The following NPAT variants were observed in gnomAD, a reference collection of about 807,000 sequenced individuals.
NPAT encodes the protein nuclear protein, coactivator of histone transcription.
NPAT carries 52 observed loss-of-function variants against 130.7 expected under a neutral mutation model. That is an observed-to-expected ratio of 0.40 (90% CI 0.32 to 0.50). The LOEUF is 0.50. NPAT is among the 20% of genes least tolerant of loss of function. The pLI is 0.68. For missense variants in NPAT, 1,687 were observed against 1,662.6 expected (o/e 1.01, Z -0.26); for synonymous variants, 580 against 584.8 (o/e 0.99, Z 0.12).
intron 1 of NPAT, among the ~76,000 whole-genome samples, chr11:108,203,024 A>G (rs1249488828): frequency 1.3e-5 from 2 of 152,158 alleles, no homozygotes; most frequent in African/African-American, 4.8e-5. Context: ...GGAGACCACA[A>G]TCTTCAGGAA....
At chr11:108,206,454 A>G (rs12272183) in intron 1 of NPAT, among the ~76,000 whole-genome samples, 92,153 of 151,962 alleles carry the variant, frequency 0.61, 28,162 homozygotes, top group Middle Eastern at 0.76. Context: ...TGGATGCAGT[A>G]GGGCGGGCAT....
intron 1 of NPAT, among the ~76,000 whole-genome samples, chr11:108,207,123 A>G (rs1409770638): frequency 6.6e-6 from 1 of 152,206 alleles, no homozygotes; most frequent in Admixed American, 6.5e-5. Context: ...ACAAGTGACC[A>G]GTTCTCGGTG....
At position 108,163,229 on chromosome 11, in the gene NPAT, G is replaced by A. The variant is rs138488882; in HGVS notation, c.3011-1049C>T. ...CGAGTAGCTGGGATTACAGGTGCAC[G>A]CTGCCACGCCTGGCTAATTTTTGTA... On this transcript the variant is annotated intron_variant, in intron 15 of 17. Transcript: ENST00000278612. Among the ~76,000 whole-genome samples the A allele has an allele frequency of 5.9e-4, 89 of 152,102 alleles. No individual in the cohort carries two copies. The East Asian group carries it at 0.015, about 25-fold the overall frequency.
rs752358692 is a variant in NPAT at position 108,172,064 on chromosome 11, C to T, written c.2785+135G>A. ...TGAATTAGCTAGCATAAAGAAGCAG[C>T]GTAATCACAAATTTCAGAATCTTTT... On this transcript the variant is annotated intron_variant, in intron 13 of 17. Transcript: ENST00000278612. 5.1e-4 allele frequency: 388 copies of T among 760,014 alleles called. 2 individuals carry two copies. The highest frequency in any genetic ancestry group is 1.9e-3 in the Middle Eastern group (6 of 3,096). The allele number at this position is 760,014 out of a possible 1,614,324, so 47.1% of individuals were successfully genotyped here.
chr11:108,186,629 A>G (rs1270316111), intron 7 of NPAT, 60 bp from the exon 8 acceptor site: 7 of 1,313,016 alleles, frequency 5.3e-6, no homozygotes, highest in Admixed American at 1.7e-5. Context: ...TTAAAGATAA[A>G]TACATATACA....
intron 1 of NPAT, among the ~76,000 whole-genome samples, chr11:108,201,466 T>C (rs576452627): frequency 1.3e-5 from 2 of 152,276 alleles, no homozygotes; most frequent in African/African-American, 4.8e-5. Flanking sequence ...AGTCTTCCCA[T>C]AGGGAAGACA....
In NPAT at chr11:108,162,029, A is replaced by C. The variant is rs2077857009; in HGVS notation, c.3072-15T>G. The C allele has an allele frequency of 6.2e-7, 1 of 1,611,238 alleles. No individual in the cohort carries two copies. Among genetic ancestry groups the C allele is most frequent in the African/African-American group, 1.3e-5 (1 of 74,716 alleles). On this transcript the variant is annotated splice_polypyrimidine_tract_variant and intron_variant, in intron 16 of 17. Transcript: ENST00000278612. ...AAACTTCAGTTCTAAAACAAAACAA[A>C]ACAAAACTATTTCTAGCAGCATAAA... is the stretch of plus-strand genomic sequence containing the variant.
intron 6 of NPAT, 64 bp from the exon 7 acceptor site, chr11:108,188,243 G>C: frequency 1.7e-6 from 2 of 1,180,896 alleles, no homozygotes; most frequent in East Asian, 2.3e-5. Context: ...ACTTGTAATG[G>C]GATAAAAAGC....
At chr11:108,185,139 T>A (rs1030740673) in intron 10 of NPAT, 93 bp downstream of exon 10, 7 of 822,384 alleles carry the variant, frequency 8.5e-6, no homozygotes, top group Non-Finnish European at 1.5e-5. Flanking sequence ...TAACATCTTA[T>A]GTTGGCAATG....
intron 10 of NPAT, among the ~76,000 whole-genome samples, chr11:108,184,821 C>T (rs1196271307): frequency 1.3e-5 from 2 of 152,170 alleles, no homozygotes; most frequent in Admixed American, 6.5e-5. Flanking sequence ...ATTGAGCCAC[C>T]ATGCCTGGCC....
intron 15 of NPAT, 74 bp downstream of exon 15, chr11:108,169,670 A>T: frequency 9.2e-7 from 1 of 1,088,500 alleles, no homozygotes; most frequent in Non-Finnish European, 1.4e-6. Context: ...TTCAGAAAGA[A>T]AACATTTAGG....
At chr11:108,198,439 A>C (rs1195391310) in intron 1 of NPAT, among the ~76,000 whole-genome samples, 4 of 152,212 alleles carry the variant, frequency 2.6e-5, no homozygotes, top group Non-Finnish European at 5.9e-5. Context: ...TTATGAGAAT[A>C]ATCTCTCACA....
At chr11:108,213,936 G>A (rs1249519299) in intron 1 of NPAT, among the ~76,000 whole-genome samples, 3 of 152,156 alleles carry the variant, frequency 2.0e-5, no homozygotes, top group Non-Finnish European at 4.4e-5. Context: ...CACCCAGGCT[G>A]AAGTAGAGTG....
rs1180811005 is a variant in NPAT at position 108,173,144 on chromosome 11, G to A, written c.1840C>T (p.His614Tyr). The A allele has an allele frequency of 4.3e-6, 7 of 1,613,604 alleles. No homozygotes were observed. The Admixed American group carries it at 1.0e-4, about 23-fold the overall frequency. ...TCTACTTGTCCAGATACATTTAAAT[G>A]TGAACTTTCAACAGACACAGGTAGT... ...EILPVSVESS[H>Y]LNVSGQVEIH... Residue 614 changes from histidine (H) to tyrosine (Y), a missense_variant, in exon 13 of 18, where the codon CAT becomes TAT. This residue lies in a region of NPAT where 1,379 missense variants were observed against 1,346.6 expected (regional missense o/e 1.02). Coordinates refer to ENST00000278612, the MANE Select transcript of NPAT (RefSeq NM_002519.3).
intron 1 of NPAT, among the ~76,000 whole-genome samples, chr11:108,202,732 G>T (rs1444443933): frequency 6.6e-6 from 1 of 152,122 alleles, no homozygotes; most frequent in African/African-American, 2.4e-5. Context: ...AATAATGGGA[G>T]GTTACCCAGG....
At chr11:108,168,972 G>GA (rs2077925426) in intron 15 of NPAT, among the ~76,000 whole-genome samples, 1 of 152,124 alleles carries the variant, frequency 6.6e-6, no homozygotes, top group African/African-American at 2.4e-5. Flanking sequence ...GGGAGTTGCT[G>GA]AAAGTTTTTA....
chr11:108,176,893 C>A (rs1236563469), intron 11 of NPAT, 101 bp downstream of exon 11: 2 of 742,596 alleles, frequency 2.7e-6, no homozygotes. Context: ...AAAACAAGAA[C>A]TTTTTTAGAT....
At chr11:108,164,881 C>T (rs903507140) in intron 15 of NPAT, among the ~76,000 whole-genome samples, 2 of 152,032 alleles carry the variant, frequency 1.3e-5, no homozygotes, top group Non-Finnish European at 2.9e-5. Flanking sequence ...CATGGTGATG[C>T]GTGCCTGTAG....
In NPAT at chr11:108,158,394, G is replaced by GA. The variant is rs1198200576; in HGVS notation, c.*547dup. On this transcript the variant is annotated 3_prime_UTR_variant, in exon 18 of 18. Coordinates refer to ENST00000278612, the MANE Select transcript of NPAT (RefSeq NM_002519.3). ...AAGAAAGGGGTAGTATTCACTCTAG[G>GA]AAAAAAACTCATCAAACTGTTGATT... 3.3e-5 allele frequency: 5 copies of GA among 153,008 alleles called. No individual in the cohort carries two copies. Among genetic ancestry groups the GA allele is most frequent in the Admixed American group, 2.6e-4 (4 of 15,314 alleles). 9.5% of individuals were successfully genotyped at this position (153,008 alleles called of 1,614,324 possible).
Sources: allele counts gnomAD v4.1 joint callset (sites outside exome capture counted in the v4.1 genomes callset), GRCh38; gene constraint gnomAD v4.1.1; regional missense constraint gnomAD v4.1.1; transcripts MANE v1.5; gene names NCBI Gene and HGNC (gene_info 2026-07-23, HGNC 2026-07-21).